The following MAF variants were observed in gnomAD, a reference collection of about 807,000 sequenced individuals.
The protein encoded by MAF is MAF bZIP transcription factor.
Under a neutral mutation model 22.0 loss-of-function variants are expected in MAF, and 10 were observed. That is an observed-to-expected ratio of 0.45 (90% CI 0.28 to 0.77). The LOEUF is 0.77. Ranked by LOEUF, MAF falls within the 30% of genes least tolerant of loss-of-function variation. The pLI, the probability that MAF is intolerant of heterozygous loss-of-function variation, is 0.12. For synonymous variants in MAF, 337 were observed against 255.8 expected, an observed-to-expected ratio of 1.32 and a Z score of -3.03; for missense variants, 544 against 548.4, an observed-to-expected ratio of 0.99 and a Z score of 0.08.
the MAF span, among the ~76,000 whole-genome samples, chr16:79,232,354 T>C: frequency 6.6e-6 from 1 of 152,244 alleles, no homozygotes; most frequent in South Asian, 2.1e-4. Flanking sequence ...TTTTGTACTT[T>C]ACAAAATTTG....
At chr16:79,438,624 C>A in the MAF span, among the ~76,000 whole-genome samples, 2 of 152,018 alleles carry the variant, frequency 1.3e-5, no homozygotes, top group Non-Finnish European at 2.9e-5. Flanking sequence ...GGGAAGGGGG[C>A]GGAGCTCAGA....
chr16:79,435,693 C>T, the MAF span, among the ~76,000 whole-genome samples: 1 of 152,130 alleles, frequency 6.6e-6, no homozygotes, highest in Non-Finnish European at 1.5e-5. Context: ...TCTTTCAAGT[C>T]CCTACACCAG....
chr16:79,533,050 C>G, the MAF span, among the ~76,000 whole-genome samples: 1 of 152,118 alleles, frequency 6.6e-6, no homozygotes, highest in Non-Finnish European at 1.5e-5. Flanking sequence ...ACAGGAATGC[C>G]CTTCGGGGTA....
At chr16:79,280,836 C>T in the MAF span, among the ~76,000 whole-genome samples, 4 of 152,158 alleles carry the variant, frequency 2.6e-5, no homozygotes, top group Admixed American at 6.5e-5. Context: ...CCTAAGACAG[C>T]GTGGGAACAT....
chr16:79,266,940 C>G, the MAF span, among the ~76,000 whole-genome samples: 1 of 152,156 alleles, frequency 6.6e-6, no homozygotes, highest in East Asian at 1.9e-4. Flanking sequence ...GGGAGACTCA[C>G]ACATTCCTGG....
the MAF span, among the ~76,000 whole-genome samples, chr16:79,567,506 A>T: frequency 6.6e-6 from 1 of 152,164 alleles, no homozygotes; most frequent in Non-Finnish European, 1.5e-5. Context: ...TTTCTTTTTT[A>T]AAAAAAGTAA....
chr16:79,233,381 C>T, the MAF span, among the ~76,000 whole-genome samples: 1 of 151,956 alleles, frequency 6.6e-6, no homozygotes, highest in African/African-American at 2.4e-5. Context: ...GCCCCTTGTG[C>T]AACTGCAGGT....
At chr16:79,353,371 C>G in the MAF span, among the ~76,000 whole-genome samples, 1 of 152,132 alleles carries the variant, frequency 6.6e-6, no homozygotes, top group Non-Finnish European at 1.5e-5. Context: ...TCAAGTGATC[C>G]GCCTGCCTCG....
chr16:79,540,527 G>C, the MAF span, among the ~76,000 whole-genome samples: 3 of 152,126 alleles, frequency 2.0e-5, no homozygotes, highest in Non-Finnish European at 2.9e-5. Flanking sequence ...CATCACAGGG[G>C]CTTCCTCTCC....
chr16:79,220,999 G>A, the MAF span, among the ~76,000 whole-genome samples: 115 of 152,272 alleles, frequency 7.6e-4, no homozygotes, highest in African/African-American at 2.7e-3. Flanking sequence ...TTGTGTCAGC[G>A]AAATAAAAAA....
chr16:79,512,712 G>A, the MAF span, among the ~76,000 whole-genome samples: 9 of 152,274 alleles, frequency 5.9e-5, no homozygotes, highest in South Asian at 2.1e-4. Flanking sequence ...TGGTAAAGAC[G>A]TAATAAAGTA....
At chr16:79,562,819 G>T in the MAF span, among the ~76,000 whole-genome samples, 5 of 152,188 alleles carry the variant, frequency 3.3e-5, no homozygotes, top group African/African-American at 9.7e-5. Context: ...CAGGAAGTGG[G>T]TCTGGTTATG....
At chr16:79,495,185 A>G in the MAF span, among the ~76,000 whole-genome samples, 178 of 152,252 alleles carry the variant, frequency 1.2e-3, 3 homozygotes, top group South Asian at 0.034. Context: ...GATGTGGCCA[A>G]ACTCGGTGGC....
the MAF span, among the ~76,000 whole-genome samples, chr16:79,452,505 T>C: frequency 6.6e-6 from 1 of 152,178 alleles, no homozygotes; most frequent in Non-Finnish European, 1.5e-5. Flanking sequence ...CTAGAAGGAT[T>C]TTTTAAAAAA....
At chr16:79,428,096 TAA>T in the MAF span, among the ~76,000 whole-genome samples, 18 of 104,100 alleles carry the variant, frequency 1.7e-4, no homozygotes, top group Non-Finnish European at 1.5e-4. Context: ...CGACTCAAAT[TAA>T]AAAAAAAAAA....
At chr16:79,265,923 G>A in the MAF span, among the ~76,000 whole-genome samples, 3 of 152,218 alleles carry the variant, frequency 2.0e-5, no homozygotes, top group East Asian at 5.8e-4. Flanking sequence ...GTGACTCACA[G>A]GTGGGGAGTG....
the MAF span, among the ~76,000 whole-genome samples, chr16:79,429,345 C>T: frequency 6.6e-6 from 1 of 152,164 alleles, no homozygotes; most frequent in Non-Finnish European, 1.5e-5. Context: ...AGCAGAGGAC[C>T]GACGGAGGGA....
the MAF span, among the ~76,000 whole-genome samples, chr16:79,477,618 C>G: frequency 3.9e-5 from 6 of 152,312 alleles, no homozygotes; most frequent in South Asian, 4.2e-4. Flanking sequence ...TTTCCTTAAT[C>G]AACCCTGGTT....
At chr16:79,513,968 A>G in the MAF span, among the ~76,000 whole-genome samples, 1 of 152,216 alleles carries the variant, frequency 6.6e-6, no homozygotes, top group African/African-American at 2.4e-5. Context: ...TGGAATCAAT[A>G]AAAAGAACAC....
Sources: allele counts gnomAD v4.1 joint callset (sites outside exome capture counted in the v4.1 genomes callset), GRCh38; gene constraint gnomAD v4.1.1; transcripts MANE v1.5; gene names NCBI Gene and HGNC (gene_info 2026-07-23, HGNC 2026-07-21).